The following PPP1R3B variants were observed in gnomAD, a reference collection of about 807,000 sequenced individuals.
PPP1R3B encodes the protein protein phosphatase 1 regulatory subunit 3B.
In PPP1R3B, 8 loss-of-function variants were observed where a neutral mutation model predicts 14.6. The observed-to-expected ratio is 0.55, with a 90% CI of 0.32 to 0.99. PPP1R3B has a LOEUF of 0.99. Ranked by LOEUF, PPP1R3B falls within the 50% of genes least tolerant of loss-of-function variation. The pLI is 0.04. For synonymous variants in PPP1R3B, 169 were observed against 142.0 expected (o/e 1.19, Z -1.35); for missense variants, 452 against 360.1 (o/e 1.26, Z -2.07).
upstream of PPP1R3B, chr8:9,151,464 C>G (rs149215997): frequency 1.4e-4 from 23 of 163,584 alleles, no homozygotes; most frequent in Non-Finnish European, 2.4e-4. Flanking sequence ...GGTTCGCGCC[C>G]CCCGCGGGCG....
Position 9,141,668 on chromosome 8 carries a change from G to C in PPP1R3B, c.-17C>G, listed in dbSNP as rs1433190859. On this transcript the variant is annotated splice_region_variant and 5_prime_UTR_variant, in exon 2 of 2. Coordinates refer to ENST00000310455, the MANE Select transcript of PPP1R3B (RefSeq NM_024607.4). ...AGCCATCATGGGGCTAGATGAACAG[G>C]CTAGAACCGTGGAAAGGGAAGAGAA... is the stretch of plus-strand genomic sequence containing the variant. 5.0e-6 allele frequency: 8 copies of C among 1,603,652 alleles called. No homozygotes were observed. Among genetic ancestry groups the C allele is most frequent in the Non-Finnish European group, 6.8e-6 (8 of 1,172,528 alleles).
rs1800947227 is a variant in PPP1R3B at position 9,138,023 on chromosome 8, CAG to C, written c.*2769_*2770del. The C allele has an allele frequency of 1.3e-5, 2 of 152,314 alleles. No individual in the cohort carries two copies. The highest frequency in any genetic ancestry group is 4.8e-5 in the African/African-American group (2 of 41,556). The allele number at this position is 152,314 out of a possible 1,614,324, so 9.4% of individuals were successfully genotyped here. ...ATAAAATTAAACTGACTTTATTAAA[CAG>C]AGTCACTTCAGGCCTTTTTCTTATG... On this transcript the variant is annotated 3_prime_UTR_variant, in exon 2 of 2. Transcript: ENST00000310455.
At position 9,140,052 on chromosome 8, in the gene PPP1R3B, G is replaced by C. The variant is rs17704885; in HGVS notation, c.*742C>G. 6.6e-6 allele frequency: 1 copy of C among 152,606 alleles called. No individual in the cohort carries two copies. Among genetic ancestry groups the C allele is most frequent in the East Asian group, 1.9e-4 (1 of 5,190 alleles). 9.5% of individuals were successfully genotyped at this position (152,606 alleles called of 1,614,324 possible). On this transcript the variant is annotated 3_prime_UTR_variant, in exon 2 of 2. Transcript: ENST00000310455. ...TCAGAACCCTGCAATCTGTGACACC[G>C]CACAGGAGCCAGTGGGTTTTGATGA...
chr8:9,139,295 T>G lies in PPP1R3B; in HGVS notation c.*1499A>C, dbSNP rs1242856187. The stretch of plus-strand genomic sequence containing the variant: ...TTAAGAACAATGAATCTCTGAAATT[T>G]CAGAGTTGGCAAACGTTTAAAATAA... On this transcript the variant is annotated 3_prime_UTR_variant, in exon 2 of 2. Coordinates refer to ENST00000310455, the MANE Select transcript of PPP1R3B (RefSeq NM_024607.4). 6.6e-6 allele frequency: 1 copy of G among 152,174 alleles called. No homozygotes were observed. Among genetic ancestry groups the G allele is most frequent in the Non-Finnish European group, 1.5e-5 (1 of 68,042 alleles). The allele number at this position is 152,174 out of a possible 1,614,324, so 9.4% of individuals were successfully genotyped here. A position where few individuals can be genotyped will look rare whatever the true frequency, so the allele number is the denominator to read the frequency against.
At chr8:9,151,052 G>A (rs1563130912), upstream of PPP1R3B, among the ~76,000 whole-genome samples, 1 of 152,190 alleles carries the variant, frequency 6.6e-6, no homozygotes, top group East Asian at 1.9e-4. Flanking sequence ...AGGTGGTAAA[G>A]GGATCAGCCG....
rs184597474 is a variant in PPP1R3B at position 9,149,313 on chromosome 8, A to G, written c.-18+1250T>C. ...CAGGAGATCGACACCATCCTGGCTA[A>G]CACGGTGAAACCCCGTCTCTACTAA... On this transcript the variant is annotated intron_variant, in intron 1 of 1. Coordinates refer to ENST00000310455, the MANE Select transcript of PPP1R3B (RefSeq NM_024607.4). Among the ~76,000 whole-genome samples, 134 of 151,212 alleles carry G rather than the reference A, an allele frequency of 8.9e-4. 1 individual carries two copies. In the East Asian group the frequency reaches 0.025, roughly 28 times the overall value.
At chr8:9,144,476 T>C (rs1163087079) in intron 1 of PPP1R3B, among the ~76,000 whole-genome samples, 3 of 152,210 alleles carry the variant, frequency 2.0e-5, no homozygotes, top group Admixed American at 6.5e-5. Flanking sequence ...TTTATAGGTA[T>C]GAGCCACTGT....
chr8:9,141,477 CCTT>C lies in PPP1R3B; in HGVS notation c.172_174del (p.Lys58del), dbSNP rs777743914. 4 of 1,614,068 alleles carry C rather than the reference CCTT, an allele frequency of 2.5e-6. No individual in the cohort carries two copies. Among genetic ancestry groups the C allele is most frequent in the Admixed American group, 3.3e-5 (2 of 60,008 alleles). On this transcript the variant is annotated inframe_deletion, in exon 2 of 2. Coordinates refer to ENST00000310455, the MANE Select transcript of PPP1R3B (RefSeq NM_024607.4). Reference sequence around the variant, plus strand: ...TCTGCGAAGGACACCCGCTTTTTCACCTTCTTCTCCTGGACAGCCGGGGCCACC... The same window carrying C: ...TCTGCGAAGGACACCCGCTTTTTCACCTTCTCCTGGACAGCCGGGGCCACC...
rs1234998029 is a variant in PPP1R3B, at chr8:9,138,490, C to G, written c.*2304G>C. The G allele has an allele frequency of 1.3e-5, 2 of 152,210 alleles. No homozygotes were observed. The highest frequency in any genetic ancestry group is 2.9e-5 in the Non-Finnish European group (2 of 68,058). 9.4% of individuals were successfully genotyped at this position (152,210 alleles called of 1,614,324 possible). A position where few individuals can be genotyped will look rare whatever the true frequency, so the allele number is the denominator to read the frequency against. ...GCATCTTAAACTTCAGAAATGAAAA[C>G]AAAACCAAAACAAAACAACAACAAA... On this transcript the variant is annotated 3_prime_UTR_variant, in exon 2 of 2. Coordinates refer to ENST00000310455, the MANE Select transcript of PPP1R3B (RefSeq NM_024607.4).
In PPP1R3B at chr8:9,136,602, C is replaced by G. The variant is rs1402560539; in HGVS notation, c.*4192G>C. ...GGGTTACAGAGCTTTACAACCATGA[C>G]CAGGAAAAACTGCTCGTAACAACAG... On this transcript the variant is annotated 3_prime_UTR_variant, in exon 2 of 2. Transcript: ENST00000310455. 1.3e-5 allele frequency: 2 copies of G among 152,186 alleles called. No homozygotes were observed. The highest frequency in any genetic ancestry group is 2.9e-5 in the Non-Finnish European group (2 of 68,028). 9.4% of individuals were successfully genotyped at this position (152,186 alleles called of 1,614,324 possible).
intron 1 of PPP1R3B, among the ~76,000 whole-genome samples, chr8:9,143,653 G>C (rs569899285): frequency 3.9e-5 from 6 of 152,116 alleles, no homozygotes; most frequent in South Asian, 4.2e-4. Context: ...AGTGTGCAGA[G>C]ATCACACACT....
At position 9,141,210 on chromosome 8, in the gene PPP1R3B, T is replaced by G; in HGVS notation, c.442A>C (p.Thr148Pro). 6.2e-7 allele frequency: 1 copy of G among 1,614,210 alleles called. No homozygotes were observed. The highest frequency in any genetic ancestry group is 8.5e-7 in the Non-Finnish European group (1 of 1,180,032). ...AATGCGAGGTTCTGAACCTTCACAG[T>G]GCCTGCAATGGCCTTGTCCTTGAGC... ...CVLKDKAIAG[T>P]VKVQNLAFEK... The change falls in exon 2 of 2, where the codon ACT (threonine) becomes CCT (proline). Residue 148 changes from threonine (T) to proline (P), a missense_variant. By Grantham distance (38) the Thr-to-Pro change is conservative (BLOSUM62 -1). Coordinates refer to ENST00000310455, the MANE Select transcript of PPP1R3B (RefSeq NM_024607.4).
intron 1 of PPP1R3B, among the ~76,000 whole-genome samples, chr8:9,144,561 A>C (rs1250883977): frequency 6.6e-6 from 1 of 152,170 alleles, no homozygotes; most frequent in Non-Finnish European, 1.5e-5. Flanking sequence ...TTTTTATCCT[A>C]ATATCACATA....
Position 9,136,619 on chromosome 8 carries a change from TAAC to T in PPP1R3B, c.*4172_*4174del, listed in dbSNP as rs897806388. The T allele has an allele frequency of 5.9e-5, 9 of 152,258 alleles. No homozygotes were observed. Among genetic ancestry groups the T allele is most frequent in the African/African-American group, 2.2e-4 (9 of 41,472 alleles). The allele number at this position is 152,258 out of a possible 1,614,324, so 9.4% of individuals were successfully genotyped here. A position where few individuals can be genotyped will look rare whatever the true frequency, so the allele number is the denominator to read the frequency against. On this transcript the variant is annotated 3_prime_UTR_variant, in exon 2 of 2. Coordinates refer to ENST00000310455, the MANE Select transcript of PPP1R3B (RefSeq NM_024607.4). ...AACCATGACCAGGAAAAACTGCTCG[TAAC>T]AACAGCTGTCCTTCCCAGTTCCACA...
At position 9,148,241 on chromosome 8, in the gene PPP1R3B, C is replaced by T. The variant is rs186511014; in HGVS notation, c.-18+2322G>A. ...AAAGAAGGCACCTGGACAGGTGCTTCTTTTACAAATGACATGAAAATGATC... is the reference window on the plus strand; with the variant it reads ...AAAGAAGGCACCTGGACAGGTGCTTTTTTTACAAATGACATGAAAATGATC... On this transcript the variant is annotated intron_variant, in intron 1 of 1. Transcript: ENST00000310455. Among the ~76,000 whole-genome samples, 216 of 152,236 alleles carry T rather than the reference C, an allele frequency of 1.4e-3. 2 individuals carry two copies. The highest frequency in any genetic ancestry group is 4.8e-3 in the African/African-American group (200 of 41,532).
rs1436327271 is a variant in PPP1R3B at position 9,138,328 on chromosome 8, A to G, written c.*2466T>C. 6.6e-6 allele frequency: 1 copy of G among 152,236 alleles called. No homozygotes were observed. The highest frequency in any genetic ancestry group is 1.5e-5 in the Non-Finnish European group (1 of 68,044). 9.4% of individuals were successfully genotyped at this position (152,236 alleles called of 1,614,324 possible). On this transcript the variant is annotated 3_prime_UTR_variant, in exon 2 of 2. Coordinates refer to ENST00000310455, the MANE Select transcript of PPP1R3B (RefSeq NM_024607.4). ...TAAAAATGTGATTTCCCCTAAAATT[A>G]TAACATCATGTCATCCTAGAGTGTT...
In PPP1R3B at chr8:9,137,241, A is replaced by G. The variant is rs1344714672; in HGVS notation, c.*3553T>C. 18 of 152,240 alleles carry G rather than the reference A, an allele frequency of 1.2e-4. 1 individual carries two copies. The highest frequency in any genetic ancestry group is 2.4e-4 in the Non-Finnish European group (16 of 68,052). The allele number at this position is 152,240 out of a possible 1,614,324, so 9.4% of individuals were successfully genotyped here. On this transcript the variant is annotated 3_prime_UTR_variant, in exon 2 of 2. Coordinates refer to ENST00000310455, the MANE Select transcript of PPP1R3B (RefSeq NM_024607.4). ...TAGATACTGAAAGCTTATTTATTAA[A>G]TATCTTTGTATAATCCAGCTTATTT...
rs1258442828 is a variant in PPP1R3B, at chr8:9,137,290, C to T, written c.*3504G>A. The T allele has an allele frequency of 6.6e-6, 1 of 152,122 alleles. No homozygotes were observed. The highest frequency in any genetic ancestry group is 1.9e-4 in the East Asian group (1 of 5,194). 9.4% of individuals were successfully genotyped at this position (152,122 alleles called of 1,614,324 possible). A position where few individuals can be genotyped will look rare whatever the true frequency, so the allele number is the denominator to read the frequency against. ...TTATTGTACCCAGTTTGCAAATGCT[C>T]CTCAGGGCACTTGAGGGAATAAATA... On this transcript the variant is annotated 3_prime_UTR_variant, in exon 2 of 2. Transcript: ENST00000310455.
At chr8:9,149,964 G>C (rs983290843) in intron 1 of PPP1R3B, among the ~76,000 whole-genome samples, 24 of 152,328 alleles carry the variant, frequency 1.6e-4, no homozygotes, top group African/African-American at 5.5e-4. Context: ...CAGCTGCTCT[G>C]GGCTTGAGGT....
Sources: gnomAD v4.1 joint callset for allele counts (sites outside exome capture counted in the v4.1 genomes callset) on GRCh38, gnomAD v4.1.1 for gene constraint, MANE v1.5 for transcripts, NCBI Gene and HGNC (gene_info 2026-07-23, HGNC 2026-07-21) for gene names.